The following CPAMD8 variants were observed in gnomAD, a reference collection of about 807,000 sequenced individuals.
CPAMD8 encodes C3 and PZP like alpha-2-macroglobulin domain containing 8, also known as C3 and PZP-like alpha-2-macroglobulin domain-containing protein 8.
In CPAMD8, 146 loss-of-function variants were observed where a neutral mutation model predicts 224.7. That is an observed-to-expected ratio of 0.65 (90% confidence interval 0.57 to 0.75). The LOEUF (loss-of-function observed/expected upper bound fraction) is 0.75. Ranked by LOEUF, CPAMD8 falls within the 30% of genes least tolerant of loss-of-function variation. The pLI is 0.00. For missense variants in CPAMD8, 2,301 were observed against 2,537.5 expected, an observed-to-expected ratio of 0.91 and a Z score of 2.00; for synonymous variants, 966 against 1,044.6, an observed-to-expected ratio of 0.92 and a Z score of 1.45.
intron 19 of CPAMD8, among the ~76,000 whole-genome samples, chr19:16,955,000 C>T (rs1019350253): frequency 4.6e-5 from 7 of 152,136 alleles, no homozygotes; most frequent in South Asian, 4.1e-4. Flanking sequence ...TGGTGGTGGG[C>T]GGCTGTGGTC....
intron 12 of CPAMD8, among the ~76,000 whole-genome samples, chr19:16,991,031 G>A (rs1277613113): frequency 1.3e-5 from 2 of 152,066 alleles, no homozygotes; most frequent in Non-Finnish European, 2.9e-5. Context: ...CTCCAGGGAA[G>A]GGAGAGGGCA....
chr19:16,907,048 A>C lies in CPAMD8; in HGVS notation c.3931T>G (p.Tyr1311Asp). 6.2e-7 allele frequency: 1 copy of C among 1,608,428 alleles called. No individual in the cohort carries two copies. Among genetic ancestry groups the C allele is most frequent in the Non-Finnish European group, 8.5e-7 (1 of 1,177,868 alleles). Residue 1311 changes from tyrosine to aspartate, a missense_variant, in exon 30 of 42, where the codon TAT becomes GAT. Around this residue, in one of 4 missense-constraint regions of CPAMD8, gnomAD observed 1,709 missense variants for 1,753.2 expected, o/e 0.97. Coordinates refer to ENST00000443236, the MANE Select transcript of CPAMD8 (RefSeq NM_015692.5). ...ESAAPLAMDPYSCALTTYALT... is the reference protein window; with the variant it reads ...ESAAPLAMDPDSCALTTYALT... ...GCGTAGGTAGTCAGGGCACAGCTAT[A>C]AGGGTCCATGGCCAGGGGCGCAGCA...
intron 23 of CPAMD8, among the ~76,000 whole-genome samples, chr19:16,933,227 A>G (rs2053594656): frequency 6.6e-6 from 1 of 152,132 alleles, no homozygotes. Flanking sequence ...TTGTAGTGTA[A>G]AACTTAAAAC....
intron 25 of CPAMD8, among the ~76,000 whole-genome samples, chr19:16,926,868 C>A (rs889782517): frequency 1.3e-5 from 2 of 152,196 alleles, no homozygotes; most frequent in African/African-American, 2.4e-5. Context: ...CTCTGACTTG[C>A]TCTCGTGCCT....
Position 16,907,023 on chromosome 19 carries a change from G to A in CPAMD8, c.3956C>T (p.Ala1319Val), listed in dbSNP as rs775677902. The A allele has an allele frequency of 6.2e-6, 10 of 1,608,906 alleles. No homozygotes were observed. Among genetic ancestry groups the A allele is most frequent in the East Asian group, 4.5e-5 (2 of 44,726 alleles). Residue 1319 changes from alanine (A) to valine (V), a missense_variant, in exon 30 of 42, where the codon GCG (alanine) becomes GTG (valine). This residue lies in a region of CPAMD8 where 1,709 missense variants were observed against 1,753.2 expected (regional missense o/e 0.97). Coordinates refer to ENST00000443236, the MANE Select transcript of CPAMD8 (RefSeq NM_015692.5). ...TGCCGGGCTGCGGAGCAGGGTCAGCGCGTAGGTAGTCAGGGCACAGCTATA... is the reference window on the plus strand; with the variant it reads ...TGCCGGGCTGCGGAGCAGGGTCAGCACGTAGGTAGTCAGGGCACAGCTATA... ...DPYSCALTTYALTLLRSPAAP... is the reference protein window; with the variant it reads ...DPYSCALTTYVLTLLRSPAAP...
Position 16,896,603 on chromosome 19 carries a change from A to G in CPAMD8, c.5128T>C (p.Cys1710Arg). The stretch of plus-strand genomic sequence containing the variant: ...GCGCCGCAGTCGTGGTCGCAGCCGC[A>G]TCGCGCGATCGCCGCCCCCTCCTCA... ...APEEGAAIAR[C>R]GCDHDCGAQG... The change falls in exon 40 of 42, where the codon TGC (cysteine) becomes CGC (arginine). Residue 1710 changes from cysteine to arginine, a missense_variant. Cys to Arg is a radical substitution (Grantham distance 180, BLOSUM62 -3). This residue lies in a region of CPAMD8 where 1,709 missense variants were observed against 1,753.2 expected (regional missense o/e 0.97). Coordinates refer to ENST00000443236, the MANE Select transcript of CPAMD8 (RefSeq NM_015692.5). The G allele has an allele frequency of 1.3e-6, 2 of 1,506,632 alleles. No homozygotes were observed. Among genetic ancestry groups the G allele is most frequent in the Non-Finnish European group, 1.8e-6 (2 of 1,133,570 alleles). The allele number at this position is 1,506,632 out of a possible 1,614,324, so 93.3% of individuals were successfully genotyped here. A position where few individuals can be genotyped will look rare whatever the true frequency, so the allele number is the denominator to read the frequency against.
chr19:16,975,177 G>A lies in CPAMD8; in HGVS notation c.1990C>T (p.Leu664=), dbSNP rs1457125946. The A allele has an allele frequency of 6.2e-7, 1 of 1,612,114 alleles. No individual in the cohort carries two copies. The highest frequency in any genetic ancestry group is 1.1e-5 in the South Asian group (1 of 90,578). The change falls in exon 17 of 42, where the codon CTG becomes TTG. Residue 664 remains leucine, a synonymous_variant. Transcript: ENST00000443236. ...REDGPFWWAG[L]TAQRRRRSSV... ...GAGCGCCGGCGTCGTTGTGCCGTCAGCCCAGCCCACCAAAAAGGACCATCC... is the reference window on the plus strand; with the variant it reads ...GAGCGCCGGCGTCGTTGTGCCGTCAACCCAGCCCACCAAAAAGGACCATCC...
At chr19:17,025,772 G>C (rs902471021) in intron 1 of CPAMD8, among the ~76,000 whole-genome samples, 3 of 152,174 alleles carry the variant, frequency 2.0e-5, no homozygotes, top group African/African-American at 7.2e-5. Flanking sequence ...AAGCCTAGGA[G>C]AGGGAAGTCT....
rs370577291 is a variant in CPAMD8, at chr19:16,970,921, A to T, written c.2183T>A (p.Val728Glu). ...GGGGTGCCTGGAAGGAGCCACTGCC[A>T]CCAGGCTCCCTGTGTGGGGCTGGAA... ...PAFQPHTGSLVAVAPSRHPPR... is the reference protein window; with the variant it reads ...PAFQPHTGSLEAVAPSRHPPR... The change falls in exon 18 of 42, where the codon GTG becomes GAG. Residue 728 changes from valine (V) to glutamate (E), a missense_variant. Coordinates refer to ENST00000443236, the MANE Select transcript of CPAMD8 (RefSeq NM_015692.5). 8.1e-6 allele frequency: 13 copies of T among 1,613,872 alleles called. No homozygotes were observed. Among genetic ancestry groups the T allele is most frequent in the African/African-American group, 8.0e-5 (6 of 75,032 alleles).
rs986512149 is a variant in CPAMD8 at position 16,948,752 on chromosome 19, G to C, written c.2509-1525C>G. Among the ~76,000 whole-genome samples, 3 of 145,462 alleles carry C rather than the reference G, an allele frequency of 2.1e-5. No individual in the cohort carries two copies. The Admixed American group carries it at 2.1e-4, about 10-fold the overall frequency. Reference sequence around the variant, plus strand: ...CCATCAAAAGAAGAAGAAAAGGAAAGAAGGGGTAAGGAGGAGAAAAGACGG... The same window carrying C: ...CCATCAAAAGAAGAAGAAAAGGAAACAAGGGGTAAGGAGGAGAAAAGACGG... On this transcript the variant is annotated intron_variant, in intron 20 of 41. Transcript: ENST00000443236.
chr19:16,992,136 G>A (rs2055975441), intron 12 of CPAMD8, among the ~76,000 whole-genome samples: 1 of 152,144 alleles, frequency 6.6e-6, no homozygotes, highest in African/African-American at 2.4e-5. Context: ...AGTCCCTCCT[G>A]TTCTTGCCTC....
intron 23 of CPAMD8, among the ~76,000 whole-genome samples, chr19:16,931,322 C>T (rs553819887): frequency 1.6e-4 from 25 of 152,316 alleles, no homozygotes; most frequent in African/African-American, 5.3e-4. Context: ...TAGTTCACCA[C>T]AGCCGGCACC....
intron 18 of CPAMD8, among the ~76,000 whole-genome samples, chr19:16,961,093 G>T (rs979337344): frequency 6.6e-6 from 1 of 152,274 alleles, no homozygotes; most frequent in Non-Finnish European, 1.5e-5. Flanking sequence ...CTCCCAGTGT[G>T]ATTGACACGG....
intron 22 of CPAMD8, among the ~76,000 whole-genome samples, chr19:16,941,851 C>T (rs1372759930): frequency 1.3e-5 from 2 of 152,014 alleles, no homozygotes; most frequent in South Asian, 2.1e-4. Context: ...CAGGTGCCTG[C>T]AATCCCAGCT....
intron 27 of CPAMD8, among the ~76,000 whole-genome samples, 169 bp from the exon 28 acceptor site, chr19:16,914,982 G>A (rs773598506): frequency 6.6e-5 from 10 of 152,176 alleles, no homozygotes; most frequent in Non-Finnish European, 1.0e-4. Flanking sequence ...GGAGGAGGGG[G>A]CACATTGCCC....
rs199540793 is a variant in CPAMD8 at position 16,903,823 on chromosome 19, T to C, written c.4286A>G (p.Tyr1429Cys). Residue 1429 changes from tyrosine to cysteine, a missense_variant, in exon 33 of 42, where the codon TAT becomes TGT. By Grantham distance (194) the Tyr-to-Cys change is radical. Around this residue, in one of 4 missense-constraint regions of CPAMD8, gnomAD observed 1,709 missense variants for 1,753.2 expected, o/e 0.97. Transcript: ENST00000443236. ...GCCTCCAGCATAGGACAAGATGGCA[T>C]ATTCAGCCAAGGCCTGCAGAGCCAC... is the stretch of plus-strand genomic sequence containing the variant. Reference protein sequence around the residue: ...TCVALQALAEYAILSYAGGIN... With the variant: ...TCVALQALAECAILSYAGGIN... 3.5e-4 allele frequency: 559 copies of C among 1,613,918 alleles called. No homozygotes were observed. The highest frequency in any genetic ancestry group is 4.5e-4 in the Non-Finnish European group (534 of 1,180,008).
At chr19:16,942,066 T>C (rs1306789052) in intron 22 of CPAMD8, among the ~76,000 whole-genome samples, 1 of 152,174 alleles carries the variant, frequency 6.6e-6, no homozygotes, top group African/African-American at 2.4e-5. Flanking sequence ...CTGCTTCTCC[T>C]TCACCTCCTG....
At chr19:16,993,651 A>T in intron 11 of CPAMD8, 65 bp from the exon 12 acceptor site, 1 of 1,418,326 alleles carries the variant, frequency 7.1e-7, no homozygotes, top group East Asian at 2.3e-5. Flanking sequence ...TGATCTGCAG[A>T]ATCAACGCAA....
At chr19:16,951,906 C>A (rs1480409200) in intron 20 of CPAMD8, 63 bp downstream of exon 20, 4 of 1,042,736 alleles carry the variant, frequency 3.8e-6, no homozygotes, top group Admixed American at 2.2e-5. Context: ...TACCTTATAG[C>A]ACCAATGCAG....
Sources: gnomAD v4.1 joint callset for allele counts (sites outside exome capture counted in the v4.1 genomes callset) on GRCh38, gnomAD v4.1.1 for gene constraint, gnomAD v4.1.1 regional missense constraint, MANE v1.5 for transcripts, NCBI Gene and HGNC (gene_info 2026-07-23, HGNC 2026-07-21) for gene names.